LPP: variants seen among roughly 807,000 people sequenced by gnomAD.
LPP encodes the protein LIM domain containing preferred translocation partner in lipoma.
A neutral mutation model predicts 60.4 loss-of-function variants in LPP; 38 were observed. The observed-to-expected ratio is 0.63, with a 90% CI of 0.49 to 0.83. LPP has a LOEUF of 0.83. LPP is among the 40% of genes least tolerant of loss of function. The probability of loss-of-function intolerance (pLI) is 0.00; values close to 1 mark genes in which losing one functional copy is unlikely to be tolerated. For missense variants in LPP, 902 were observed against 783.6 expected, an observed-to-expected ratio of 1.15 and a Z score of -1.80; for synonymous variants, 328 against 290.8, an observed-to-expected ratio of 1.13 and a Z score of -1.30.
At chr3:188,427,862 G>A (rs1216194649) in intron 4 of LPP, among the ~76,000 whole-genome samples, 4 of 152,062 alleles carry the variant, frequency 2.6e-5, no homozygotes, top group Admixed American at 1.3e-4. Context: ...TGGGGGTGGG[G>A]TCCACTGAGT....
intron 7 of LPP, among the ~76,000 whole-genome samples, chr3:188,707,394 C>G (rs922527816): frequency 6.6e-6 from 1 of 152,056 alleles, no homozygotes; most frequent in Non-Finnish European, 1.5e-5. Flanking sequence ...GTCTTTGATC[C>G]CTGCCCCCCT....
At chr3:188,754,254 A>C (rs1013278202) in intron 8 of LPP, among the ~76,000 whole-genome samples, 4 of 152,204 alleles carry the variant, frequency 2.6e-5, no homozygotes, top group Non-Finnish European at 4.4e-5. Flanking sequence ...AATGCTACCA[A>C]AATATTTTAT....
intron 2 of LPP, among the ~76,000 whole-genome samples, chr3:188,304,422 C>T (rs1034315982): frequency 1.3e-5 from 2 of 152,090 alleles, no homozygotes; most frequent in Non-Finnish European, 2.9e-5. Context: ...GAGTATAATG[C>T]GAATGTTAAG....
intron 8 of LPP, among the ~76,000 whole-genome samples, chr3:188,714,657 A>G (rs1218849312): frequency 6.6e-6 from 1 of 151,868 alleles, no homozygotes; most frequent in Non-Finnish European, 1.5e-5. Context: ...GTCCATGTTC[A>G]TTATAACTTG....
chr3:188,858,026 A>G (rs879876737), intron 9 of LPP, among the ~76,000 whole-genome samples: 1 of 152,220 alleles, frequency 6.6e-6, no homozygotes, highest in Non-Finnish European at 1.5e-5. Context: ...TGCAATGTAG[A>G]CATTTCAGTC....
chr3:188,795,012 G>A (rs1006654782), intron 9 of LPP, among the ~76,000 whole-genome samples: 4 of 152,178 alleles, frequency 2.6e-5, no homozygotes, highest in Non-Finnish European at 5.9e-5. Context: ...GTGTGTGCCT[G>A]TAGTCCCAGC....
At chr3:188,567,738 A>G (rs1472468136) in intron 6 of LPP, among the ~76,000 whole-genome samples, 1 of 151,962 alleles carries the variant, frequency 6.6e-6, no homozygotes, top group African/African-American at 2.4e-5. Flanking sequence ...CAGATATTAC[A>G]CAACTGCCAA....
At chr3:188,821,691 G>A (rs972061035) in intron 9 of LPP, among the ~76,000 whole-genome samples, 10 of 151,914 alleles carry the variant, frequency 6.6e-5, no homozygotes, top group East Asian at 3.9e-4. Flanking sequence ...ACATGTACAC[G>A]TTACAATATG....
chr3:188,567,910 C>T (rs1832580977), intron 6 of LPP, among the ~76,000 whole-genome samples: 1 of 152,012 alleles, frequency 6.6e-6, no homozygotes, highest in African/African-American at 2.4e-5. Flanking sequence ...AGTCCATACT[C>T]ATAACACTAA....
intron 2 of LPP, among the ~76,000 whole-genome samples, chr3:188,307,940 T>C (rs939370041): frequency 7.2e-5 from 11 of 151,968 alleles, no homozygotes; most frequent in Admixed American, 2.6e-4. Context: ...GGGGTGTAAG[T>C]GTGTGTGTGT....
At chr3:188,590,956 C>T (rs896218059) in intron 6 of LPP, among the ~76,000 whole-genome samples, 1 of 152,154 alleles carries the variant, frequency 6.6e-6, no homozygotes, top group Non-Finnish European at 1.5e-5. Flanking sequence ...ACTATTTAGA[C>T]AAATCTAAGA....
At chr3:188,162,298 C>G (rs1711002) in intron 1 of LPP, among the ~76,000 whole-genome samples, 41,180 of 152,096 alleles carry the variant, frequency 0.27, 5,854 homozygotes, top group Non-Finnish European at 0.33. Flanking sequence ...ACTTTCCTAA[C>G]TGGGGTGCAG....
chr3:188,633,500 T>G (rs1848198555), intron 7 of LPP, among the ~76,000 whole-genome samples: 1 of 152,118 alleles, frequency 6.6e-6, no homozygotes, highest in Non-Finnish European at 1.5e-5. Context: ...TTCTTTGGAG[T>G]AACAATAAGA....
intron 2 of LPP, among the ~76,000 whole-genome samples, chr3:188,337,767 C>T (rs1467705956): frequency 1.3e-5 from 2 of 152,168 alleles, no homozygotes; most frequent in African/African-American, 2.4e-5. Flanking sequence ...CCCAGAGTGC[C>T]GGGACTACAG....
chr3:188,641,210 C>G (rs772088328), intron 7 of LPP, among the ~76,000 whole-genome samples: 1 of 152,220 alleles, frequency 6.6e-6, no homozygotes, highest in Non-Finnish European at 1.5e-5. Context: ...TCTGTGTGAC[C>G]TGTTTTTGAA....
chr3:188,193,176 G>A (rs996688559), intron 1 of LPP, among the ~76,000 whole-genome samples: 1 of 152,210 alleles, frequency 6.6e-6, no homozygotes, highest in Non-Finnish European at 1.5e-5. Context: ...GCTGAAGATA[G>A]CGTGTTGGTT....
rs1355515591 is a variant in LPP, at chr3:188,372,908, C to CCATGTG, written c.-10+31190_-10+31195dup. Among the ~76,000 whole-genome samples, 19 of 152,038 alleles carry CCATGTG rather than the reference C, an allele frequency of 1.2e-4. No homozygotes were observed. In the East Asian group the frequency reaches 3.7e-3, roughly 29 times the overall value. ...GTGTGTGATGTTCCCCTTCCTGTGT[C>CCATGTG]CATGTGTTCTCATTGTTCAATTCCC... On this transcript the variant is annotated intron_variant, in intron 3 of 11. Coordinates refer to ENST00000617246, the MANE Select transcript of LPP (RefSeq NM_001375462.1).
At chr3:188,598,776 C>T (rs1266685215) in intron 6 of LPP, among the ~76,000 whole-genome samples, 1 of 152,068 alleles carries the variant, frequency 6.6e-6, no homozygotes, top group Admixed American at 6.6e-5. Flanking sequence ...CACTTATGTG[C>T]GTTTTAATAG....
At chr3:188,561,213 A>C (rs1830596792) in intron 6 of LPP, among the ~76,000 whole-genome samples, 1 of 152,104 alleles carries the variant, frequency 6.6e-6, no homozygotes, top group African/African-American at 2.4e-5. Flanking sequence ...TTAAGCCCGA[A>C]GGATATTTCA....
Sources: gnomAD v4.1 joint callset for allele counts (sites outside exome capture counted in the v4.1 genomes callset) on GRCh38, gnomAD v4.1.1 for gene constraint, MANE v1.5 for transcripts, NCBI Gene and HGNC (gene_info 2026-07-23, HGNC 2026-07-21) for gene names.